IQSEC2: variants seen among roughly 807,000 people sequenced by gnomAD.
IQSEC2 encodes the protein IQ motif and SEC7 domain-containing protein 2.
In IQSEC2, 6 loss-of-function variants were observed where a neutral mutation model predicts 74.6. The ratio of observed to expected loss-of-function variants is 0.08; its 90% CI spans 0.04 to 0.16. The LOEUF is 0.16. IQSEC2 is among the 10% of genes least tolerant of loss of function. The pLI, the probability that IQSEC2 is intolerant of heterozygous loss-of-function variation, is 1.00. For missense variants in IQSEC2, 734 were observed against 1,306.2 expected, an observed-to-expected ratio of 0.56 and a Z score of 6.75; for synonymous variants, 494 against 544.5, an observed-to-expected ratio of 0.91 and a Z score of 1.29.
intron 2 of IQSEC2, 44 bp downstream of exon 2, chrX:53,291,851 C>T (rs1250585793): frequency 1.1e-5 from 12 of 1,127,691 alleles, no homozygotes; most frequent in Non-Finnish European, 1.4e-5. Flanking sequence ...CACCCCAGGC[C>T]CTGCCCCATC....
intron 1 of IQSEC2, among the ~76,000 whole-genome samples, chrX:53,295,365 G>A (rs1013201307): frequency 3.6e-5 from 4 of 111,028 alleles, no homozygotes; most frequent in Non-Finnish European, 7.6e-5. Flanking sequence ...AGCACTTTGG[G>A]AGGCCGAGGC....
intron 1 of IQSEC2, among the ~76,000 whole-genome samples, chrX:53,303,351 G>C (rs1235571842): frequency 9.0e-6 from 1 of 111,484 alleles, no homozygotes; most frequent in Non-Finnish European, 1.9e-5. Context: ...TGAGGAATGA[G>C]TGGAGCTGTA....
intron 2 of IQSEC2, among the ~76,000 whole-genome samples, 179 bp downstream of exon 2, chrX:53,291,716 C>G (rs1030508345): frequency 1.8e-5 from 2 of 110,705 alleles, no homozygotes; most frequent in Non-Finnish European, 3.8e-5. Flanking sequence ...CTCCCCACAG[C>G]TGCCACATCC....
intron 4 of IQSEC2, 22 bp downstream of exon 4, chrX:53,254,508 G>A: frequency 8.4e-7 from 1 of 1,186,217 alleles, no homozygotes; most frequent in African/African-American, 1.8e-5. Context: ...GGGGAAGAAA[G>A]GTCCTTTTCA....
At chrX:53,311,260 A>C (rs1355904214) in intron 1 of IQSEC2, among the ~76,000 whole-genome samples, 11 of 109,133 alleles carry the variant, frequency 1.0e-4, no homozygotes, top group African/African-American at 3.7e-4. Context: ...TCTGGGCCTC[A>C]GTCTTTTCAT....
chrX:53,250,781 G>A lies in IQSEC2; in HGVS notation c.1795C>T (p.Pro599Ser). Residue 599 changes from proline (P) to serine (S), a missense_variant, in exon 5 of 15, where the codon CCT (proline) becomes TCT (serine). Transcript: ENST00000642864. ...CTCAGGTCCACGGAGCTGTCACTAG[G>A]AGGCTCAATGGTAAGCAGGGGAAGG... Reference protein sequence around the residue: ...AHLPLLTIEPPSDSSVDLSDR... With the variant: ...AHLPLLTIEPSSDSSVDLSDR... The A allele has an allele frequency of 8.3e-7, 1 of 1,210,339 alleles. No homozygotes were observed. The highest frequency in any genetic ancestry group is 1.1e-6 in the Non-Finnish European group (1 of 894,640).
At chrX:53,299,351 G>A (rs1308868157) in intron 1 of IQSEC2, among the ~76,000 whole-genome samples, 1 of 112,090 alleles carries the variant, frequency 8.9e-6, no homozygotes, top group Non-Finnish European at 1.9e-5. Flanking sequence ...GCCAGGTGGT[G>A]GGCTTCACTA....
intron 4 of IQSEC2, among the ~76,000 whole-genome samples, chrX:53,253,478 C>G (rs1289192105): frequency 8.9e-6 from 1 of 112,107 alleles, no homozygotes; most frequent in African/African-American, 3.2e-5. Context: ...TACTGCATTA[C>G]AATTCCACCC....
chrX:53,305,771 T>G (rs782634790), intron 1 of IQSEC2, among the ~76,000 whole-genome samples: 1 of 111,337 alleles, frequency 9.0e-6, no homozygotes, highest in Admixed American at 9.6e-5. Context: ...CAGAGCCAAG[T>G]GGCACTTCAT....
chrX:53,293,448 G>T (rs1329415097), intron 1 of IQSEC2, among the ~76,000 whole-genome samples: 1 of 111,754 alleles, frequency 8.9e-6, no homozygotes, highest in Non-Finnish European at 1.9e-5. Context: ...GAGGACCAGG[G>T]CCACAGCGCA....
At position 53,294,251 on chromosome X, in the gene IQSEC2, T is replaced by C. The variant is rs1025898821; in HGVS notation, c.708-2327A>G. Among the ~76,000 whole-genome samples the C allele has an allele frequency of 4.4e-5, 5 of 112,618 alleles. No homozygotes were observed. The Middle Eastern group carries it at 0.018, about 413-fold the overall frequency. The stretch of plus-strand genomic sequence containing the variant: ...AGGGGAGCAAAAGAGCTCCAAGTCA[T>C]GATGCAGCGGGGAATTCGCCAATTC... On this transcript the variant is annotated intron_variant, in intron 1 of 14. Transcript: ENST00000642864.
At chrX:53,285,662 C>G (rs782259453) in intron 2 of IQSEC2, among the ~76,000 whole-genome samples, 1 of 112,600 alleles carries the variant, frequency 8.9e-6, no homozygotes, top group Non-Finnish European at 1.9e-5. Context: ...GATAATCTCT[C>G]TCACTTAGGT....
At chrX:53,268,832 A>G (rs1277680774) in intron 2 of IQSEC2, among the ~76,000 whole-genome samples, 2 of 112,165 alleles carry the variant, frequency 1.8e-5, no homozygotes, top group African/African-American at 3.2e-5. Context: ...TACCAGCCCC[A>G]TCATTTACTA....
At chrX:53,271,453 G>A (rs187337581) in intron 2 of IQSEC2, among the ~76,000 whole-genome samples, 1 of 111,413 alleles carries the variant, frequency 9.0e-6, no homozygotes, top group Non-Finnish European at 1.9e-5. Flanking sequence ...ATGGACTCAT[G>A]TCCCTCTGGC....
chrX:53,268,807 G>A (rs1261358533), intron 2 of IQSEC2, among the ~76,000 whole-genome samples: 1 of 112,111 alleles, frequency 8.9e-6, no homozygotes, highest in African/African-American at 3.2e-5. Context: ...GGAATCAGAC[G>A]GACCTGAGTT....
At chrX:53,284,914 C>T (rs985547878) in intron 2 of IQSEC2, among the ~76,000 whole-genome samples, 9 of 112,099 alleles carry the variant, frequency 8.0e-5, no homozygotes, top group Non-Finnish European at 1.5e-4. Context: ...GTTACTGGGT[C>T]CTGCAGCTCC....
intron 2 of IQSEC2, among the ~76,000 whole-genome samples, chrX:53,270,034 C>T (rs1328666980): frequency 9.0e-6 from 1 of 110,680 alleles, no homozygotes; most frequent in African/African-American, 3.3e-5. Context: ...CATTTCATAA[C>T]TTCAGGTGTA....
chrX:53,227,640 A>G (rs955377083), downstream of IQSEC2: 3 of 307,024 alleles, frequency 9.8e-6, no homozygotes, highest in Middle Eastern at 6.2e-4. Flanking sequence ...CGTGGAAGAA[A>G]CAGATGAAAA....
intron 2 of IQSEC2, among the ~76,000 whole-genome samples, chrX:53,257,031 A>G (rs2074484933): frequency 9.0e-6 from 1 of 111,679 alleles, no homozygotes; most frequent in East Asian, 2.8e-4. Flanking sequence ...AGAGCCACAG[A>G]GGTGGGGAAG....
Sources: allele counts gnomAD v4.1 joint callset (sites outside exome capture counted in the v4.1 genomes callset), GRCh38; gene constraint gnomAD v4.1.1; transcripts MANE v1.5; gene names NCBI Gene and HGNC (gene_info 2026-07-23, HGNC 2026-07-21).